The following SRGAP3 variants were observed in gnomAD, a reference collection of about 807,000 sequenced individuals.
SRGAP3 encodes SLIT-ROBO Rho GTPase-activating protein 3.
A neutral mutation model predicts 121.1 loss-of-function variants in SRGAP3; 39 were observed. The observed-to-expected ratio is 0.32, with a 90% CI of 0.25 to 0.42. The LOEUF is 0.42. Among genes scored for constraint, SRGAP3 ranks in the 10% least tolerant of loss-of-function variants. The pLI, the probability that SRGAP3 is intolerant of heterozygous loss-of-function variation, is 1.00. For synonymous variants in SRGAP3, 601 were observed against 570.0 expected (o/e 1.05, Z -0.77); for missense variants, 1,213 against 1,470.6 (o/e 0.82, Z 2.86).
intron 3 of SRGAP3, among the ~76,000 whole-genome samples, chr3:9,319,476 T>C (rs551829635): frequency 6.6e-6 from 1 of 151,912 alleles, no homozygotes; most frequent in East Asian, 1.9e-4. Flanking sequence ...AGGGCCAGAA[T>C]GGGTGGTAAC....
chr3:9,094,462 G>C (rs141020365), intron 3 of SRGAP3, among the ~76,000 whole-genome samples: 3 of 152,256 alleles, frequency 2.0e-5, no homozygotes, highest in African/African-American at 7.2e-5. Flanking sequence ...GAGCAGATAC[G>C]CTAGAATATC....
chr3:9,032,982 A>G (rs1237498847), intron 11 of SRGAP3, among the ~76,000 whole-genome samples: 3 of 152,088 alleles, frequency 2.0e-5, no homozygotes, highest in Admixed American at 2.0e-4. Flanking sequence ...CATAACTCAA[A>G]TGCATTCTAA....
At chr3:9,191,726 T>G (rs901205180) in intron 1 of SRGAP3, among the ~76,000 whole-genome samples, 1 of 152,232 alleles carries the variant, frequency 6.6e-6, no homozygotes, top group Non-Finnish European at 1.5e-5. Flanking sequence ...AATCTCACAT[T>G]GAACGATAAT....
chr3:9,209,373 A>G (rs1168442902), intron 1 of SRGAP3, among the ~76,000 whole-genome samples: 1 of 152,204 alleles, frequency 6.6e-6, no homozygotes, highest in Admixed American at 6.5e-5. Flanking sequence ...AAGATCAACA[A>G]CCCAATACAA....
chr3:9,127,031 G>A (rs1212925133), intron 1 of SRGAP3, among the ~76,000 whole-genome samples: 4 of 152,132 alleles, frequency 2.6e-5, no homozygotes, highest in Non-Finnish European at 2.9e-5. Flanking sequence ...ACAAACCCTT[G>A]CTACTCAAAG....
At chr3:9,153,639 T>C (rs956889689) in intron 1 of SRGAP3, among the ~76,000 whole-genome samples, 1 of 152,152 alleles carries the variant, frequency 6.6e-6, no homozygotes, top group Non-Finnish European at 1.5e-5. Flanking sequence ...TGCAATGCAG[T>C]GGTAACATAG....
chr3:9,058,601 G>C, intron 6 of SRGAP3, 129 bp from the exon 7 acceptor site: 1 of 989,932 alleles, frequency 1.0e-6, no homozygotes, highest in South Asian at 1.4e-5. Flanking sequence ...GAGGCCCCAA[G>C]GCACTTTGGA....
At chr3:9,034,039 C>A (rs1200979890) in intron 11 of SRGAP3, 1 of 152,246 alleles carries the variant, frequency 6.6e-6, no homozygotes, top group Non-Finnish European at 1.5e-5. Flanking sequence ...GTGTGCTCCA[C>A]TCTTGGCCAC....
rs557655318 is a variant in SRGAP3 at position 9,011,840 on chromosome 3, T to C, written c.2148-1453A>G. On this transcript the variant is annotated intron_variant, in intron 17 of 21. Transcript: ENST00000383836. ...GGTTTTGAAGACTCCAAAATTACCA[T>C]GTAATTAATAGTTTTACAGTCTCGT... Among the ~76,000 whole-genome samples the C allele has an allele frequency of 3.9e-5, 6 of 152,324 alleles. 1 individual carries two copies. The highest frequency in any genetic ancestry group is 1.2e-4 in the African/African-American group (5 of 41,572).
chr3:9,116,252 A>T (rs1314653505), intron 2 of SRGAP3, among the ~76,000 whole-genome samples: 2 of 152,224 alleles, frequency 1.3e-5, no homozygotes, highest in East Asian at 1.9e-4. Flanking sequence ...TTCTCTGAAA[A>T]TGCTATCCTC....
chr3:9,208,976 C>T (rs1952354060), intron 1 of SRGAP3, among the ~76,000 whole-genome samples: 1 of 152,218 alleles, frequency 6.6e-6, no homozygotes, highest in Non-Finnish European at 1.5e-5. Context: ...AGACTCACTT[C>T]TCAGATTTCA....
chr3:9,060,992 G>A (rs1225658065), intron 5 of SRGAP3, among the ~76,000 whole-genome samples: 1 of 152,200 alleles, frequency 6.6e-6, no homozygotes, highest in African/African-American at 2.4e-5. Context: ...AACACTTTGG[G>A]AGGCTGAGGC....
chr3:9,137,724 AG>A (rs1396840233), intron 1 of SRGAP3, among the ~76,000 whole-genome samples: 1 of 152,204 alleles, frequency 6.6e-6, no homozygotes, highest in Non-Finnish European at 1.5e-5. Flanking sequence ...CTGAATAGGA[AG>A]CAGGCAGCAG....
intron 8 of SRGAP3, among the ~76,000 whole-genome samples, chr3:9,054,460 C>T (rs1945726261): frequency 6.6e-6 from 1 of 152,244 alleles, no homozygotes; most frequent in Non-Finnish European, 1.5e-5. Flanking sequence ...ATCTTTGAAT[C>T]TGCCTATGAC....
rs565481976 is a variant in SRGAP3 at position 8,992,246 on chromosome 3, A to G, written c.2558+660T>C. ...TGACATTTTGAGAGTGTGACTAAAAAGGCAGTGAGAAACTGTCAGCTTTTC... is the reference window on the plus strand; with the variant it reads ...TGACATTTTGAGAGTGTGACTAAAAGGGCAGTGAGAAACTGTCAGCTTTTC... On this transcript the variant is annotated intron_variant, in intron 20 of 21. Transcript: ENST00000383836. Among the ~76,000 whole-genome samples, 21 of 152,338 alleles carry G rather than the reference A, an allele frequency of 1.4e-4. 1 individual carries two copies. The South Asian group carries it at 4.4e-3, about 32-fold the overall frequency.
chr3:9,232,461 G>A (rs1386566056), intron 1 of SRGAP3, among the ~76,000 whole-genome samples: 1 of 151,916 alleles, frequency 6.6e-6, no homozygotes, highest in Admixed American at 6.6e-5. Context: ...AAAAACCAAA[G>A]ACTCTTTTTA....
Position 9,013,489 on chromosome 3 carries a change from C to A in SRGAP3, c.1966G>T (p.Ala656Ser). 2 of 1,614,004 alleles carry A rather than the reference C, an allele frequency of 1.2e-6. No homozygotes were observed. The highest frequency in any genetic ancestry group is 2.2e-5 in the South Asian group (2 of 91,074). The stretch of plus-strand genomic sequence containing the variant: ...ATGAGGGTAGGCCCGAAGCAGATGG[C>A]CAGGTTGTAGGGATCCATCATGTTC... ...DENMMDPYNL[A>S]ICFGPTLMHI... is the part of the protein sequence containing the mutation. The change falls in exon 17 of 22, where the codon GCC becomes TCC. Residue 656 changes from alanine to serine, a missense_variant. This residue lies in a region of SRGAP3 where 793 missense variants were observed against 1,032.9 expected (regional missense o/e 0.77). Transcript: ENST00000383836.
intron 19 of SRGAP3, 71 bp from the exon 20 acceptor site, chr3:8,993,126 T>A (rs1942169124): frequency 1.2e-6 from 2 of 1,604,616 alleles, no homozygotes; most frequent in Non-Finnish European, 1.7e-6. Context: ...AGCTCCCTGA[T>A]ATGTGTCTGA....
chr3:8,993,026 T>C lies in SRGAP3; in HGVS notation c.2438A>G (p.Gln813Arg). 6.2e-7 allele frequency: 1 copy of C among 1,614,230 alleles called. No individual in the cohort carries two copies. Among genetic ancestry groups the C allele is most frequent in the Non-Finnish European group, 8.5e-7 (1 of 1,180,042 alleles). Residue 813 changes from glutamine to arginine, a missense_variant, in exon 20 of 22, where the codon CAG (glutamine) becomes CGG (arginine). Transcript: ENST00000383836. Reference sequence around the variant, plus strand: ...ACTGCTGGCCTCGCTGTCAGCCTTCTGGCTCAGGCTGTCGGAGAAGGCATC... The same window carrying C: ...ACTGCTGGCCTCGCTGTCAGCCTTCCGGCTCAGGCTGTCGGAGAAGGCATC... ...MDDAFSDSLS[Q>R]KADSEASSGP...
Sources: gnomAD v4.1 joint callset for allele counts (sites outside exome capture counted in the v4.1 genomes callset) on GRCh38, gnomAD v4.1.1 for gene constraint, gnomAD v4.1.1 regional missense constraint, MANE v1.5 for transcripts, NCBI Gene and HGNC (gene_info 2026-07-23, HGNC 2026-07-21) for gene names.